The following ATG7 variants were observed in gnomAD, a reference collection of about 807,000 sequenced individuals.
ATG7 encodes autophagy related 7, also known as ubiquitin-like modifier-activating enzyme ATG7.
A neutral mutation model predicts 82.4 loss-of-function variants in ATG7; 70 were observed. That is an observed-to-expected ratio of 0.85 (90% CI 0.70 to 1.04). ATG7 has a LOEUF of 1.04. Ranked by LOEUF, ATG7 falls within the 50% of genes least tolerant of loss-of-function variation. The pLI is 0.00. For missense variants in ATG7, 792 were observed against 864.3 expected, an observed-to-expected ratio of 0.92 and a Z score of 1.05; for synonymous variants, 287 against 313.0, an observed-to-expected ratio of 0.92 and a Z score of 0.88.
At chr3:11,359,301 T>TAAA (rs2152809351) in intron 15 of ATG7, among the ~76,000 whole-genome samples, 1 of 152,300 alleles carries the variant, frequency 6.6e-6, no homozygotes, top group South Asian at 2.1e-4. Context: ...TTTTCTTTTG[T>TAAA]AGTGTGTTTA....
the ATG7 span, among the ~76,000 whole-genome samples, chr3:11,573,367 GAA>G: frequency 1.5e-5 from 2 of 134,814 alleles, no homozygotes; most frequent in Non-Finnish European, 3.3e-5. Flanking sequence ...AAGAAAGAAA[GAA>G]AGAAAGAAAG....
intron 20 of ATG7, among the ~76,000 whole-genome samples, chr3:11,498,685 G>T (rs1020359038): frequency 1.9e-4 from 29 of 152,202 alleles, no homozygotes; most frequent in Admixed American, 7.8e-4. Flanking sequence ...AAGAGGCTGT[G>T]TTAATTCCCA....
intron 20 of ATG7, among the ~76,000 whole-genome samples, chr3:11,542,198 G>A (rs1248957067): frequency 1.3e-5 from 2 of 152,254 alleles, no homozygotes; most frequent in South Asian, 2.1e-4. Context: ...CCCAAAACCA[G>A]TCTGCTTCTA....
intron 1 of ATG7, among the ~76,000 whole-genome samples, chr3:11,279,309 C>G (rs61479699): frequency 0.022 from 3,364 of 152,318 alleles, 129 homozygotes; most frequent in African/African-American, 0.074. Context: ...TTGTTCCATC[C>G]AGCATGCCAG....
In ATG7 at chr3:11,427,708, G is replaced by A. The variant is rs1027796600; in HGVS notation, c.2079+782G>A. On this transcript the variant is annotated intron_variant, in intron 20 of 20. Coordinates refer to ENST00000693202, the MANE Select transcript of ATG7 (RefSeq NM_001349232.2). The stretch of plus-strand genomic sequence containing the variant: ...CAGGCACGTGTAATCCCAGCCACTC[G>A]GGAGGCTGAGGCAGGAGAATTGCTT... Among the ~76,000 whole-genome samples, 9 of 151,854 alleles carry A rather than the reference G, an allele frequency of 5.9e-5. No homozygotes were observed. The South Asian group carries it at 1.9e-3, about 32-fold the overall frequency.
intron 20 of ATG7, among the ~76,000 whole-genome samples, chr3:11,491,538 G>A (rs1240215911): frequency 6.6e-6 from 1 of 152,198 alleles, no homozygotes; most frequent in Non-Finnish European, 1.5e-5. Flanking sequence ...TTTGGAGGAG[G>A]AGAGGCGCTC....
In ATG7 at chr3:11,395,964, A is replaced by G. The variant is rs1199879143; in HGVS notation, c.1956+15912A>G. 1.7e-3 allele frequency among the ~76,000 whole-genome samples: 146 copies of G among 88,024 alleles called. 11 individuals carry two copies. The highest frequency in any genetic ancestry group is 1.8e-3 in the African/African-American group (38 of 21,274). 57.7% of individuals were successfully genotyped at this position (88,024 alleles called of 152,430 possible). On this transcript the variant is annotated intron_variant, in intron 19 of 20. Transcript: ENST00000693202. Reference sequence around the variant, plus strand: ...CAAAAAAAAAAAAAAAAAAAAAAAAAAGGTAGGGGGGGAAGAGTAAAAGTG... The same window carrying G: ...CAAAAAAAAAAAAAAAAAAAAAAAAGAGGTAGGGGGGGAAGAGTAAAAGTG...
chr3:11,493,977 G>A (rs985810670), intron 20 of ATG7, among the ~76,000 whole-genome samples: 2 of 152,190 alleles, frequency 1.3e-5, no homozygotes, highest in African/African-American at 4.8e-5. Context: ...GTAAGGAGTA[G>A]TAGTTAGGTG....
chr3:11,564,551 G>C, the ATG7 span, among the ~76,000 whole-genome samples: 3 of 152,192 alleles, frequency 2.0e-5, no homozygotes, highest in Admixed American at 2.0e-4. Context: ...GCCCAAGGCC[G>C]TGAGTGCTAA....
chr3:11,289,699 C>G (rs759038859), intron 3 of ATG7, among the ~76,000 whole-genome samples: 2 of 152,102 alleles, frequency 1.3e-5, no homozygotes, highest in African/African-American at 4.8e-5. Flanking sequence ...TTGGGACTAC[C>G]GATGCGCCCT....
intron 20 of ATG7, among the ~76,000 whole-genome samples, chr3:11,450,041 G>A (rs1359268167): frequency 1.3e-5 from 2 of 152,190 alleles, no homozygotes; most frequent in Admixed American, 1.3e-4. Context: ...TTACAGGGTG[G>A]TCTGTTTCTT....
At chr3:11,525,574 A>G (rs1238688711) in intron 20 of ATG7, among the ~76,000 whole-genome samples, 6 of 83,210 alleles carry the variant, frequency 7.2e-5, no homozygotes, top group East Asian at 3.4e-4. Context: ...TTTTTTTTTT[A>G]AACGGAGTCT....
At chr3:11,420,841 T>C (rs4684778) in intron 19 of ATG7, among the ~76,000 whole-genome samples, 76,950 of 150,204 alleles carry the variant, frequency 0.51, 20,646 homozygotes, top group East Asian at 0.68. Flanking sequence ...CTGCAAGCTC[T>C]GCTTCCTGGG....
the ATG7 span, chr3:11,568,740 C>G: frequency 8.5e-6 from 13 of 1,529,786 alleles, no homozygotes; most frequent in Middle Eastern, 4.5e-4. The surrounding 1 kb of genome is among the most constrained non-coding windows in gnomAD (Gnocchi z 5.9). Flanking sequence ...GAAAACCGCA[C>G]GCATCCTGCC....
rs746067557 is a variant in ATG7 at position 11,282,188 on chromosome 3, T to C, written c.-256-5T>C. ...TTCTCAGCTGTCACTGTCCCTCCCA[T>C]GTAGGCTTCTCAAACCCCATAATGC... On this transcript the variant is annotated splice_region_variant and splice_polypyrimidine_tract_variant and intron_variant, in intron 2 of 20. Coordinates refer to ENST00000693202, the MANE Select transcript of ATG7 (RefSeq NM_001349232.2). 3.3e-5 allele frequency: 5 copies of C among 152,222 alleles called. No homozygotes were observed. The highest frequency in any genetic ancestry group is 7.3e-5 in the Non-Finnish European group (5 of 68,036). 9.4% of individuals were successfully genotyped at this position (152,222 alleles called of 1,614,324 possible).
chr3:11,366,398 AT>A (rs377027995), intron 18 of ATG7, among the ~76,000 whole-genome samples: 107 of 150,714 alleles, frequency 7.1e-4, no homozygotes, highest in African/African-American at 2.0e-3. Flanking sequence ...ACAAGGTGGC[AT>A]TTTTTTTTGA....
chr3:11,332,515 T>C (rs2606748), intron 10 of ATG7, among the ~76,000 whole-genome samples: 133,394 of 152,184 alleles, frequency 0.88, 58,811 homozygotes, highest in East Asian at 1. Flanking sequence ...GGAGACAATC[T>C]ACAATTATCC....
chr3:11,398,247 G>A (rs1466012157), intron 19 of ATG7, among the ~76,000 whole-genome samples: 2 of 151,958 alleles, frequency 1.3e-5, no homozygotes, highest in Non-Finnish European at 2.9e-5. Context: ...ATAGAATACT[G>A]CACCTAATTT....
At chr3:11,554,393 G>A (rs1030138163) in intron 20 of ATG7, among the ~76,000 whole-genome samples, 4 of 152,166 alleles carry the variant, frequency 2.6e-5, no homozygotes, top group African/African-American at 9.7e-5. Flanking sequence ...AAGGCAGCAC[G>A]TGCCCATGCC....
Sources: gnomAD v4.1 joint callset for allele counts (sites outside exome capture counted in the v4.1 genomes callset) on GRCh38, gnomAD v4.1.1 for gene constraint, Gnocchi (gnomAD v3.1) non-coding constraint, MANE v1.5 for transcripts, NCBI Gene and HGNC (gene_info 2026-07-23, HGNC 2026-07-21) for gene names.